Variants in MPDZ observed in about 807,000 individuals in gnomAD.
MPDZ encodes the protein multiple PDZ domain crumbs cell polarity complex component.
Under a neutral mutation model 239.1 loss-of-function variants are expected in MPDZ, and 234 were observed. The ratio of observed to expected loss-of-function variants is 0.98; its 90% CI spans 0.88 to 1.09. The LOEUF (loss-of-function observed/expected upper bound fraction) is 1.09, where lower values mean the gene tolerates loss of function less well. Ranked by LOEUF, MPDZ falls within the 50% of genes least tolerant of loss-of-function variation. MPDZ has a pLI of 0.00. For missense variants in MPDZ, 3,175 were observed against 2,510.0 expected, an observed-to-expected ratio of 1.26 and a Z score of -5.66; for synonymous variants, 1,048 against 881.3, an observed-to-expected ratio of 1.19 and a Z score of -3.35.
intron 1 of MPDZ, among the ~76,000 whole-genome samples, chr9:13,260,824 C>A (rs892753299): frequency 5.3e-5 from 8 of 152,202 alleles, no homozygotes; most frequent in African/African-American, 1.9e-4. Context: ...GACCTTTCAA[C>A]CTCCAATACC....
chr9:13,229,516 TAA>T (rs1166795034), intron 3 of MPDZ, among the ~76,000 whole-genome samples: 2 of 140,986 alleles, frequency 1.4e-5, no homozygotes, highest in Non-Finnish European at 3.1e-5. Flanking sequence ...CAAGATGATT[TAA>T]AAAAAAAAAA....
intron 22 of MPDZ, chr9:13,165,318 C>G (rs1365841787): frequency 1.3e-6 from 2 of 1,530,760 alleles, no homozygotes; most frequent in Non-Finnish European, 1.8e-6. Flanking sequence ...TTTTCACAGA[C>G]AAGTTGTAAC....
At chr9:13,241,498 A>C (rs1392728597) in intron 3 of MPDZ, among the ~76,000 whole-genome samples, 2 of 152,160 alleles carry the variant, frequency 1.3e-5, no homozygotes, top group African/African-American at 4.8e-5. Flanking sequence ...GACAGTAGTC[A>C]TCTCCCCTTT....
chr9:13,165,589 C>G, intron 22 of MPDZ: 3 of 608,490 alleles, frequency 4.9e-6, no homozygotes, highest in Non-Finnish European at 8.6e-6. Context: ...CTGCTCTTTA[C>G]TAGTGTCTAT....
rs1044731324 is a variant in MPDZ, at chr9:13,121,949, C to T, written c.5038-17G>A. 4 of 1,609,724 alleles carry T rather than the reference C, an allele frequency of 2.5e-6. No individual in the cohort carries two copies. The highest frequency in any genetic ancestry group is 3.3e-4 in the Middle Eastern group (2 of 6,078). On this transcript the variant is annotated splice_polypyrimidine_tract_variant and intron_variant, in intron 37 of 46. Coordinates refer to ENST00000319217, the MANE Select transcript of MPDZ (RefSeq NM_001378778.1). ...TCCATTCACCTGTACAGAAATGGGA[C>T]ACTGACTGTAAGGAACATGAGAAGT... is the stretch of plus-strand genomic sequence containing the variant.
intron 25 of MPDZ, 67 bp downstream of exon 25, chr9:13,150,444 A>C: frequency 7.9e-7 from 1 of 1,271,694 alleles, no homozygotes; most frequent in Non-Finnish European, 1.0e-6. Context: ...AATAATAGTA[A>C]AATTAAAAAA....
intron 1 of MPDZ, among the ~76,000 whole-genome samples, chr9:13,266,792 T>C (rs975504399): frequency 2.6e-5 from 4 of 152,164 alleles, no homozygotes; most frequent in Admixed American, 1.3e-4. Context: ...AATAGTTTCA[T>C]GCAAAAGTAA....
intron 10 of MPDZ, among the ~76,000 whole-genome samples, chr9:13,213,307 A>G (rs183684882): frequency 1.3e-3 from 200 of 152,182 alleles, no homozygotes; most frequent in African/African-American, 4.7e-3. Flanking sequence ...CACAGAACAC[A>G]ATGTGTAAAA....
chr9:13,133,806 A>T lies in MPDZ; in HGVS notation c.4464+18T>A, dbSNP rs1229111181. The T allele has an allele frequency of 6.5e-7, 1 of 1,548,792 alleles. No homozygotes were observed. Among genetic ancestry groups the T allele is most frequent in the East Asian group, 2.3e-5 (1 of 44,108 alleles). On this transcript the variant is annotated intron_variant, in intron 32 of 46. Transcript: ENST00000319217. ...AAAGGAACTCACATCATTTCATTCC[A>T]ATTCAAAGCAGATTTACCTTGGGAA...
At chr9:13,158,534 T>C (rs1406498897) in intron 23 of MPDZ, among the ~76,000 whole-genome samples, 2 of 152,178 alleles carry the variant, frequency 1.3e-5, no homozygotes, top group Admixed American at 1.3e-4. Flanking sequence ...TTGTCCTGAA[T>C]GAATTTCTAA....
At chr9:13,195,719 T>C (rs1374779210) in intron 13 of MPDZ, among the ~76,000 whole-genome samples, 2 of 152,022 alleles carry the variant, frequency 1.3e-5, no homozygotes, top group Non-Finnish European at 2.9e-5. Context: ...AAAGAAAGAG[T>C]AGAAAAGAGT....
intron 3 of MPDZ, among the ~76,000 whole-genome samples, chr9:13,245,368 C>T (rs1280097569): frequency 8.1e-6 from 1 of 123,360 alleles, no homozygotes; most frequent in African/African-American, 3.0e-5. Context: ...TGATTTTAAA[C>T]AAAAGAAAAT....
At chr9:13,237,799 T>C (rs757013279) in intron 3 of MPDZ, among the ~76,000 whole-genome samples, 8 of 152,172 alleles carry the variant, frequency 5.3e-5, no homozygotes, top group Non-Finnish European at 1.0e-4. Flanking sequence ...ATAACTTGAA[T>C]TTGTTGATAA....
chr9:13,216,480 C>T (rs1048665853), intron 10 of MPDZ, among the ~76,000 whole-genome samples: 6 of 150,574 alleles, frequency 4.0e-5, no homozygotes, highest in African/African-American at 7.3e-5. Flanking sequence ...CTGCAAGGAA[C>T]GTATAAGTGT....
At chr9:13,220,054 TCTAC>T (rs374029140) in intron 7 of MPDZ, among the ~76,000 whole-genome samples, 43 of 152,140 alleles carry the variant, frequency 2.8e-4, no homozygotes, top group African/African-American at 9.6e-4. Context: ...CACTTTGATT[TCTAC>T]CTAAATGCCT....
At chr9:13,216,899 A>T (rs1306312318) in intron 9 of MPDZ, 37 bp from the exon 10 acceptor site, 1 of 1,495,410 alleles carries the variant, frequency 6.7e-7, no homozygotes, top group Admixed American at 1.8e-5. Flanking sequence ...ACAATTTTCA[A>T]AGCACATTCA....
At chr9:13,143,962 A>AT (rs1015947932) in intron 26 of MPDZ, among the ~76,000 whole-genome samples, 13 of 152,058 alleles carry the variant, frequency 8.5e-5, no homozygotes, top group South Asian at 2.1e-4. Flanking sequence ...CTAAAAGCTA[A>AT]TTTTTTTTAA....
At chr9:13,245,411 G>GAAA (rs1177531449) in intron 3 of MPDZ, among the ~76,000 whole-genome samples, 2 of 108,858 alleles carry the variant, frequency 1.8e-5, no homozygotes, top group African/African-American at 3.5e-5. Flanking sequence ...TTCTACCTTT[G>GAAA]AAAAAAAAAA....
chr9:13,211,538 C>T (rs1957617381), intron 10 of MPDZ, among the ~76,000 whole-genome samples: 1 of 152,052 alleles, frequency 6.6e-6, no homozygotes, highest in Non-Finnish European at 1.5e-5. Context: ...ATACAAGATA[C>T]AGTGCTGAGC....
Sources: allele counts gnomAD v4.1 joint callset (sites outside exome capture counted in the v4.1 genomes callset), GRCh38; gene constraint gnomAD v4.1.1; transcripts MANE v1.5; gene names NCBI Gene and HGNC (gene_info 2026-07-23, HGNC 2026-07-21).